The following BRD1 variants were observed in gnomAD, a reference collection of about 807,000 sequenced individuals.
The protein encoded by BRD1 is bromodomain containing 1, also known as bromodomain-containing protein 1.
Under a neutral mutation model 107.7 loss-of-function variants are expected in BRD1, and 24 were observed. The ratio of observed to expected loss-of-function variants is 0.22; its 90% CI spans 0.16 to 0.31. BRD1 has a LOEUF of 0.31. BRD1 is among the 10% of genes least tolerant of loss of function. The probability of loss-of-function intolerance (pLI) is 1.00; values close to 1 mark genes in which losing one functional copy is unlikely to be tolerated. For missense variants in BRD1, 1,279 were observed against 1,638.6 expected (o/e 0.78, Z 3.79); for synonymous variants, 744 against 686.1 (o/e 1.08, Z -1.32).
intron 9 of BRD1, 71 bp downstream of exon 9, chr22:49,777,607 T>C: frequency 6.4e-7 from 1 of 1,555,540 alleles, no homozygotes; most frequent in Non-Finnish European, 8.7e-7. Context: ...TGTCCCGGCT[T>C]CCAGGACAGC....
rs2059571655 is a variant in BRD1, at chr22:49,798,232, A to G, written c.1786-115T>C. 6.3e-6 allele frequency: 7 copies of G among 1,114,310 alleles called. No homozygotes were observed. The South Asian group carries it at 1.1e-4, about 17-fold the overall frequency. The allele number at this position is 1,114,310 out of a possible 1,614,324, so 69.0% of individuals were successfully genotyped here. On this transcript the variant is annotated intron_variant, in intron 5 of 12. Coordinates refer to ENST00000404760, the MANE Select transcript of BRD1 (RefSeq NM_001304808.3). ...CATCCTATCTGAGAGCCACACACAG[A>G]CACGCAGACGGTACAGACATAAGAC...
In BRD1 at chr22:49,824,371, T is replaced by A. The variant is rs1349256153; in HGVS notation, c.-14-40A>T. On this transcript the variant is annotated intron_variant, in intron 1 of 12. Transcript: ENST00000404760. The surrounding 1 kb of genome is among the most constrained non-coding windows in gnomAD (Gnocchi z 5.9). Reference sequence around the variant, plus strand: ...AAAGTAAAGGTAATTCTACGCAGGGTGACCAAAGACTCGAGAAAACCACAA... The same window carrying A: ...AAAGTAAAGGTAATTCTACGCAGGGAGACCAAAGACTCGAGAAAACCACAA... 1.9e-6 allele frequency: 3 copies of A among 1,594,914 alleles called. No homozygotes were observed. Among genetic ancestry groups the A allele is most frequent in the Admixed American group, 3.4e-5 (2 of 58,042 alleles).
chr22:49,800,853 C>T (rs1022385963), intron 3 of BRD1, among the ~76,000 whole-genome samples: 4 of 152,254 alleles, frequency 2.6e-5, no homozygotes, highest in Non-Finnish European at 5.9e-5. Flanking sequence ...AGAAGCTGAG[C>T]GCCTCCGCGT....
In BRD1 at chr22:49,825,589, C is replaced by T. The variant is rs1018991488; in HGVS notation, c.-14-1258G>A. 3 of 152,318 alleles carry T rather than the reference C, an allele frequency of 2.0e-5. No individual in the cohort carries two copies. The South Asian group carries it at 6.2e-4, about 32-fold the overall frequency. The allele number at this position is 152,318 out of a possible 1,614,324, so 9.4% of individuals were successfully genotyped here. A position where few individuals can be genotyped will look rare whatever the true frequency, so the allele number is the denominator to read the frequency against. On this transcript the variant is annotated intron_variant, in intron 1 of 12. Transcript: ENST00000404760. ...AGCGCCACACTTCACTGACAGGAAG[C>T]AAAATGATTTTTCAGTGACTGACTC...
intron 8 of BRD1, among the ~76,000 whole-genome samples, chr22:49,780,426 CACAG>C: frequency 6.6e-6 from 1 of 152,232 alleles, no homozygotes. Context: ...ACGTGGGCAG[CACAG>C]ACAAACCCAG....
In BRD1 at chr22:49,792,019, G is replaced by A. The variant is rs76995615; in HGVS notation, c.2359+2015C>T. ...AATGGTCTCCAAAGGCTCCTGCTAA[G>A]CGTTGGGTGTTATGAGGAGCCACGC... On this transcript the variant is annotated intron_variant, in intron 7 of 12. Coordinates refer to ENST00000404760, the MANE Select transcript of BRD1 (RefSeq NM_001304808.3). The surrounding 1 kb of genome is among the most constrained non-coding windows in gnomAD (Gnocchi z 4.2). Among the ~76,000 whole-genome samples the A allele has an allele frequency of 0.024, 3,703 of 152,250 alleles. 92 individuals carry two copies. Among genetic ancestry groups the A allele is most frequent in the South Asian group, 0.063 (305 of 4,822 alleles).
intron 8 of BRD1, 83 bp downstream of exon 8, chr22:49,787,307 C>CCT (rs1555904858): frequency 1.9e-6 from 2 of 1,042,194 alleles, no homozygotes; most frequent in Admixed American, 3.2e-5. Flanking sequence ...ACACCCCCCC[C>CCT]CCCCCGTCAC....
At position 49,787,699 on chromosome 22, in the gene BRD1, G is replaced by A. The variant is rs866279593; in HGVS notation, c.2548C>T (p.Arg850Cys). 22 of 1,550,734 alleles carry A rather than the reference G, an allele frequency of 1.4e-5. No individual in the cohort carries two copies. The highest frequency in any genetic ancestry group is 6.8e-5 in the African/African-American group (5 of 73,192). ...CTGGCGCGGGTGGGCTCTGGAGGGC[G>A]TCCGCTTACCAGTGCGCTCTGAGTG... is the stretch of plus-strand genomic sequence containing the variant. ...ACTQSALVSG[R>C]PPEPTRASSG... Residue 850 changes from arginine (R) to cysteine (C), a missense_variant, in exon 8 of 13, where the codon CGC becomes TGC. Transcript: ENST00000404760.
At chr22:49,821,691 G>A (rs1432870439) in intron 2 of BRD1, among the ~76,000 whole-genome samples, 1 of 151,926 alleles carries the variant, frequency 6.6e-6, no homozygotes. Flanking sequence ...CAACCTCCCA[G>A]CCTCACCGCC....
intron 12 of BRD1, among the ~76,000 whole-genome samples, chr22:49,774,689 T>C (rs1282701855): frequency 2.0e-5 from 3 of 152,196 alleles, no homozygotes; most frequent in African/African-American, 7.2e-5. Flanking sequence ...GCCTGCTTAG[T>C]GACAAGACAT....
At chr22:49,781,629 C>A (rs892987921) in intron 8 of BRD1, among the ~76,000 whole-genome samples, 1 of 152,240 alleles carries the variant, frequency 6.6e-6, no homozygotes, top group Admixed American at 6.5e-5. Context: ...GCCGCTGGCA[C>A]CCAAGCTGCC....
intron 11 of BRD1, 81 bp downstream of exon 11, chr22:49,775,969 G>A (rs1043295733): frequency 3.7e-5 from 44 of 1,186,764 alleles, no homozygotes; most frequent in East Asian, 8.8e-5. Context: ...GACCACCGCC[G>A]TGAGCCTCCT....
chr22:49,805,244 T>C (rs2059718460), intron 2 of BRD1, among the ~76,000 whole-genome samples: 1 of 151,992 alleles, frequency 6.6e-6, no homozygotes, highest in African/African-American at 2.4e-5. Context: ...GCGCCTCTCA[T>C]CCACCAAGGG....
rs552065415 is a variant in BRD1, at chr22:49,775,980, C to T, written c.3231+70G>A. The T allele has an allele frequency of 9.3e-5, 134 of 1,437,604 alleles. 1 individual carries two copies. Among genetic ancestry groups the T allele is most frequent in the East Asian group, 2.4e-4 (10 of 41,100 alleles). The allele number at this position is 1,437,604 out of a possible 1,614,324, so 89.1% of individuals were successfully genotyped here. A position where few individuals can be genotyped will look rare whatever the true frequency, so the allele number is the denominator to read the frequency against. ...CTTGGACCACCGCCGTGAGCCTCCT[C>T]GGACCACCCCCGCCCCGCAGCTGTG... On this transcript the variant is annotated intron_variant, in intron 11 of 12. Coordinates refer to ENST00000404760, the MANE Select transcript of BRD1 (RefSeq NM_001304808.3).
intron 8 of BRD1, among the ~76,000 whole-genome samples, chr22:49,786,156 G>A (rs181206455): frequency 2.6e-5 from 4 of 152,186 alleles, no homozygotes; most frequent in South Asian, 2.1e-4. Context: ...CCTTATCTAG[G>A]TATAACAGGC....
chr22:49,824,503 G>C lies in BRD1; in HGVS notation c.-14-172C>G, dbSNP rs188607233. On this transcript the variant is annotated intron_variant, in intron 1 of 12. Transcript: ENST00000404760. This position sits in a 1 kb window ranked among gnomAD's most constrained non-coding sequence, Gnocchi z 5.9. ...CAAAACCACACATCCAGGCCTGAGC[G>C]AGTCCCCAGGACCAGGGAGGGAGCA... is the stretch of plus-strand genomic sequence containing the variant. 2 of 1,424,616 alleles carry C rather than the reference G, an allele frequency of 1.4e-6. No individual in the cohort carries two copies. The highest frequency in any genetic ancestry group is 1.8e-6 in the Non-Finnish European group (2 of 1,094,876). 88.2% of individuals were successfully genotyped at this position (1,424,616 alleles called of 1,614,324 possible).
At chr22:49,799,306 AGACAGAGGGGATGGAGGG>A (rs1050176554) in intron 3 of BRD1, among the ~76,000 whole-genome samples, 187 bp from the exon 4 acceptor site, 1 of 140,346 alleles carries the variant, frequency 7.1e-6, no homozygotes, top group African/African-American at 2.5e-5. Flanking sequence ...GGGACAGAGG[AGACAGAGGGGATGGAGGG>A]GACAGAGGGG....
chr22:49,789,610 C>G (rs1031996817), intron 7 of BRD1, among the ~76,000 whole-genome samples: 2 of 152,078 alleles, frequency 1.3e-5, no homozygotes, highest in Non-Finnish European at 2.9e-5. Flanking sequence ...ATGGGTGCAA[C>G]AGCACCCGGC....
In BRD1 at chr22:49,817,088, C is replaced by T. The variant is rs369191887; in HGVS notation, c.1367+5863G>A. On this transcript the variant is annotated intron_variant, in intron 2 of 12. Coordinates refer to ENST00000404760, the MANE Select transcript of BRD1 (RefSeq NM_001304808.3). The stretch of plus-strand genomic sequence containing the variant: ...CACTGACTTCCAGGAAATCCATAAG[C>T]TGCTCTATGACCCCAGCTTGGGTGA... Among the ~76,000 whole-genome samples, 5 of 152,338 alleles carry T rather than the reference C, an allele frequency of 3.3e-5. No individual in the cohort carries two copies. The East Asian group carries it at 9.7e-4, about 29-fold the overall frequency.
Sources: allele counts gnomAD v4.1 joint callset (sites outside exome capture counted in the v4.1 genomes callset), GRCh38; gene constraint gnomAD v4.1.1; non-coding constraint Gnocchi (gnomAD v3.1); transcripts MANE v1.5; gene names NCBI Gene and HGNC (gene_info 2026-07-23, HGNC 2026-07-21).